RSRC1: variants seen among roughly 807,000 people sequenced by gnomAD.
RSRC1 encodes the protein arginine and serine rich coiled-coil 1, also known as serine/Arginine-related protein 53.
RSRC1 carries 39 observed loss-of-function variants against 49.1 expected under a neutral mutation model. That is an observed-to-expected ratio of 0.79 (90% CI 0.61 to 1.04). The LOEUF (loss-of-function observed/expected upper bound fraction) is 1.04, where lower values mean the gene tolerates loss of function less well. Ranked by LOEUF, RSRC1 falls within the 50% of genes least tolerant of loss-of-function variation. The pLI, the probability that RSRC1 is intolerant of heterozygous loss-of-function variation, is 0.00. For synonymous variants in RSRC1, 143 were observed against 130.8 expected (o/e 1.09, Z -0.63); for missense variants, 388 against 402.4 (o/e 0.96, Z 0.31).
chr3:158,114,641 G>A (rs1714668885), intron 1 of RSRC1, among the ~76,000 whole-genome samples: 1 of 152,106 alleles, frequency 6.6e-6, no homozygotes, highest in Non-Finnish European at 1.5e-5. Flanking sequence ...AGCATGGAAC[G>A]TTTTTCCACT....
At chr3:158,358,450 G>A (rs997597748) in intron 6 of RSRC1, among the ~76,000 whole-genome samples, 2 of 151,988 alleles carry the variant, frequency 1.3e-5, no homozygotes, top group Admixed American at 1.3e-4. Flanking sequence ...CTTCTGTAGC[G>A]AGACACTAAT....
At chr3:158,439,830 TA>T (rs977053265) in intron 6 of RSRC1, among the ~76,000 whole-genome samples, 2 of 151,346 alleles carry the variant, frequency 1.3e-5, no homozygotes, top group East Asian at 3.9e-4. Flanking sequence ...TTAAAAATAA[TA>T]AAAAAAGGTT....
chr3:158,241,125 T>C (rs559352670), intron 4 of RSRC1, among the ~76,000 whole-genome samples: 2 of 152,260 alleles, frequency 1.3e-5, no homozygotes, highest in South Asian at 4.2e-4. Context: ...ACACCCTATT[T>C]ATTACAACAA....
chr3:158,211,126 C>T (rs1189582266), intron 4 of RSRC1, among the ~76,000 whole-genome samples: 1 of 151,858 alleles, frequency 6.6e-6, no homozygotes, highest in Non-Finnish European at 1.5e-5. Context: ...ATTTAGTGGA[C>T]CCTTTGCAAG....
intron 6 of RSRC1, among the ~76,000 whole-genome samples, chr3:158,412,865 A>G (rs1031005477): frequency 6.6e-6 from 1 of 151,590 alleles, no homozygotes; most frequent in African/African-American, 2.4e-5. Flanking sequence ...TTTGCTCTAT[A>G]TCATGCTCAC....
intron 7 of RSRC1, among the ~76,000 whole-genome samples, chr3:158,482,689 G>C (rs1738660615): frequency 1.3e-5 from 2 of 151,960 alleles, no homozygotes; most frequent in Admixed American, 1.3e-4. Context: ...ATCATACTCT[G>C]TAAGTTATTT....
chr3:158,532,015 TAAG>T (rs1201436294), intron 7 of RSRC1, among the ~76,000 whole-genome samples: 2 of 151,902 alleles, frequency 1.3e-5, no homozygotes, highest in Non-Finnish European at 2.9e-5. Context: ...TCTTGTAACA[TAAG>T]AAGGAATTTT....
intron 7 of RSRC1, among the ~76,000 whole-genome samples, chr3:158,475,444 C>G (rs1286049829): frequency 6.6e-6 from 1 of 152,076 alleles, no homozygotes; most frequent in African/African-American, 2.4e-5. Flanking sequence ...TGTTTTTTTA[C>G]AGATTGAAGG....
chr3:158,194,148 T>A (rs1720408101), intron 3 of RSRC1, among the ~76,000 whole-genome samples: 1 of 151,526 alleles, frequency 6.6e-6, no homozygotes, highest in African/African-American at 2.4e-5. Context: ...TAGTCCCACA[T>A]CTGTAGTCCC....
intron 4 of RSRC1, among the ~76,000 whole-genome samples, chr3:158,283,857 A>C (rs1167726320): frequency 6.9e-6 from 1 of 145,396 alleles, no homozygotes; most frequent in Non-Finnish European, 1.5e-5. Flanking sequence ...CTTTGCCAAC[A>C]ATGGAAACGT....
intron 3 of RSRC1, among the ~76,000 whole-genome samples, chr3:158,171,953 T>TCAG (rs1718904864): frequency 6.6e-6 from 1 of 151,032 alleles, no homozygotes; most frequent in African/African-American, 2.4e-5. Context: ...CTGTGTCGCT[T>TCAG]CAACAACAAC....
At chr3:158,219,283 T>G (rs1458639482) in intron 4 of RSRC1, among the ~76,000 whole-genome samples, 1 of 151,560 alleles carries the variant, frequency 6.6e-6, no homozygotes, top group African/African-American at 2.4e-5. Flanking sequence ...GGTTCTTCCT[T>G]TTTTTCTTTT....
intron 7 of RSRC1, among the ~76,000 whole-genome samples, chr3:158,514,095 GT>G (rs1189088694): frequency 1.9e-4 from 29 of 152,210 alleles, no homozygotes; most frequent in African/African-American, 7.0e-4. Flanking sequence ...TTTTTGAAGG[GT>G]TTTCTGTGTC....
chr3:158,491,297 T>A (rs1432913583), intron 7 of RSRC1, among the ~76,000 whole-genome samples: 1 of 152,328 alleles, frequency 6.6e-6, no homozygotes, highest in East Asian at 1.9e-4. Context: ...AAATGAGAAG[T>A]GTTCTTCATG....
chr3:158,283,178 C>G (rs116731881), intron 4 of RSRC1, among the ~76,000 whole-genome samples: 119 of 152,012 alleles, frequency 7.8e-4, no homozygotes, highest in Non-Finnish European at 1.5e-3. Context: ...AAAGTGAACA[C>G]TAGAGGTAAA....
chr3:158,232,020 T>C (rs1722992111), intron 4 of RSRC1, among the ~76,000 whole-genome samples: 1 of 152,180 alleles, frequency 6.6e-6, no homozygotes, highest in Admixed American at 6.6e-5. Context: ...TAGGCTAAAA[T>C]GTCACTTGTT....
intron 7 of RSRC1, among the ~76,000 whole-genome samples, chr3:158,478,185 T>G (rs142612741): frequency 6.6e-6 from 1 of 152,056 alleles, no homozygotes; most frequent in East Asian, 1.9e-4. Flanking sequence ...AGTTAGTATT[T>G]TCACTAGACT....
intron 7 of RSRC1, among the ~76,000 whole-genome samples, chr3:158,509,121 A>G (rs1740021411): frequency 6.6e-6 from 1 of 152,290 alleles, no homozygotes; most frequent in East Asian, 1.9e-4. Context: ...TCAGAGTTGT[A>G]TAGTTTTAGG....
intron 4 of RSRC1, among the ~76,000 whole-genome samples, chr3:158,226,724 A>G (rs1167001655): frequency 1.3e-5 from 2 of 151,870 alleles, no homozygotes; most frequent in South Asian, 2.1e-4. Flanking sequence ...TTTTTATTGC[A>G]AAAACCTCTA....
Sources: allele counts gnomAD v4.1 joint callset (sites outside exome capture counted in the v4.1 genomes callset), GRCh38; gene constraint gnomAD v4.1.1; transcripts MANE v1.5; gene names NCBI Gene and HGNC (gene_info 2026-07-23, HGNC 2026-07-21).